Variants in RB1 observed in about 807,000 individuals in gnomAD.
The protein encoded by RB1 is retinoblastoma-associated protein.
RB1 carries 18 observed loss-of-function variants against 135.4 expected under a neutral mutation model. The observed-to-expected ratio is 0.13, with a 90% CI of 0.09 to 0.20. RB1 has a LOEUF of 0.20. Among genes scored for constraint, RB1 ranks in the 10% least tolerant of loss-of-function variants. The probability of loss-of-function intolerance (pLI) is 1.00; values close to 1 mark genes in which losing one functional copy is unlikely to be tolerated. For missense variants in RB1, 868 were observed against 1,110.0 expected (o/e 0.78, Z 3.10); for synonymous variants, 365 against 373.2 (o/e 0.98, Z 0.25).
intron 17 of RB1, among the ~76,000 whole-genome samples, chr13:48,388,540 T>C (rs1948587560): frequency 6.6e-6 from 1 of 152,180 alleles, no homozygotes; most frequent in South Asian, 2.1e-4. Flanking sequence ...TGAGGTAGTT[T>C]ACCCTAGATC....
chr13:48,410,780 T>C (rs948348904), intron 17 of RB1, among the ~76,000 whole-genome samples: 3 of 152,082 alleles, frequency 2.0e-5, no homozygotes, highest in African/African-American at 7.2e-5. Flanking sequence ...TTCTACAAAT[T>C]GCCTACACAG....
chr13:48,443,381 T>C (rs1949256936), intron 17 of RB1, among the ~76,000 whole-genome samples: 1 of 152,052 alleles, frequency 6.6e-6, no homozygotes, highest in Non-Finnish European at 1.5e-5. Context: ...AAAAAGAAGT[T>C]TAAAAGAGTT....
chr13:48,403,950 G>A (rs373514896), intron 17 of RB1, among the ~76,000 whole-genome samples: 3 of 152,104 alleles, frequency 2.0e-5, no homozygotes, highest in South Asian at 2.1e-4. Context: ...GCAGGGAGCC[G>A]TGACTGCACT....
intron 24 of RB1, among the ~76,000 whole-genome samples, chr13:48,476,176 C>T (rs192168049): frequency 1.7e-3 from 265 of 152,194 alleles, no homozygotes; most frequent in African/African-American, 5.6e-3. Context: ...TGAATCTATC[C>T]GTCAAATCAG....
At chr13:48,305,373 C>T (rs957516705) in intron 1 of RB1, among the ~76,000 whole-genome samples, 43 of 152,100 alleles carry the variant, frequency 2.8e-4, no homozygotes, top group Non-Finnish European at 4.1e-4. Context: ...ATAACAACAA[C>T]AAAAAATTAA....
chr13:48,347,876 C>T lies in RB1; in HGVS notation c.539+13C>T, dbSNP rs1408304236. The T allele has an allele frequency of 1.3e-6, 2 of 1,566,534 alleles. No individual in the cohort carries two copies. Among genetic ancestry groups the T allele is most frequent in the Admixed American group, 1.7e-5 (1 of 59,572 alleles). The stretch of plus-strand genomic sequence containing the variant: ...AACCCAGCAGTTCGTAAGTAGTTCA[C>T]AGAATGTTATTTTTCACTTAAAAAA... On this transcript the variant is annotated intron_variant, in intron 5 of 26. Coordinates refer to ENST00000267163, the MANE Select transcript of RB1 (RefSeq NM_000321.3).
chr13:48,414,531 G>C (rs1566214547), intron 17 of RB1, among the ~76,000 whole-genome samples: 1 of 151,804 alleles, frequency 6.6e-6, no homozygotes, highest in Non-Finnish European at 1.5e-5. Context: ...ATCTAGTTAT[G>C]CCTTACTGTT....
intron 2 of RB1, among the ~76,000 whole-genome samples, chr13:48,329,525 A>G (rs2138066848): frequency 6.6e-6 from 1 of 152,330 alleles, no homozygotes; most frequent in Admixed American, 6.5e-5. Flanking sequence ...AAGCAAACAT[A>G]TAGGTTTTTT....
intron 19 of RB1, among the ~76,000 whole-genome samples, chr13:48,456,976 TTC>T (rs1949364620): frequency 6.6e-6 from 1 of 152,240 alleles, no homozygotes; most frequent in Admixed American, 6.5e-5. Flanking sequence ...GCCGCAGCTC[TTC>T]TCTCTTCTTT....
At chr13:48,389,224 C>T (rs1235941462) in intron 17 of RB1, among the ~76,000 whole-genome samples, 1 of 151,674 alleles carries the variant, frequency 6.6e-6, no homozygotes, top group Admixed American at 6.6e-5. Flanking sequence ...AGAGAGAGAA[C>T]ATTACAAAGT....
intron 17 of RB1, among the ~76,000 whole-genome samples, chr13:48,438,012 A>G (rs773562790): frequency 2.6e-5 from 4 of 152,218 alleles, no homozygotes; most frequent in Non-Finnish European, 4.4e-5. Context: ...TCATATGTCA[A>G]TATTCTAGAA....
intron 2 of RB1, among the ~76,000 whole-genome samples, chr13:48,332,261 A>C (rs1952344246): frequency 6.6e-6 from 1 of 152,232 alleles, no homozygotes; most frequent in Non-Finnish European, 1.5e-5. Context: ...CAAAGGGTAC[A>C]AACTTTCAGT....
At chr13:48,393,310 A>G (rs764472112) in intron 17 of RB1, among the ~76,000 whole-genome samples, 5 of 152,150 alleles carry the variant, frequency 3.3e-5, no homozygotes, top group African/African-American at 4.8e-5. Flanking sequence ...TTGCCTTGGC[A>G]TCTCCCATTT....
chr13:48,457,903 G>A (rs1231400057), intron 19 of RB1, among the ~76,000 whole-genome samples: 2 of 152,210 alleles, frequency 1.3e-5, no homozygotes, highest in African/African-American at 2.4e-5. Flanking sequence ...GGTGGCAGTT[G>A]GGGGGTGCCT....
intron 17 of RB1, among the ~76,000 whole-genome samples, chr13:48,439,122 G>T (rs1160398463): frequency 6.6e-6 from 1 of 152,110 alleles, no homozygotes; most frequent in Non-Finnish European, 1.5e-5. Flanking sequence ...AGCAGCTAAC[G>T]GCACAAGTTT....
In RB1 at chr13:48,342,694, A is replaced by G. The variant is rs2138084023; in HGVS notation, c.360A>G (p.Leu120=). The change falls in exon 3 of 27, where the codon CTA becomes CTG. Residue 120 remains leucine, a synonymous_variant. Transcript: ENST00000267163. ...AGATGTCGTTCACTTTTACTGAGCT[A>G]CAGAAAAACATAGAAATCAGGTAAA... is the stretch of plus-strand genomic sequence containing the variant. The part of the protein sequence containing the change: ...LDEMSFTFTE[L]QKNIEISVHK... 6.2e-7 allele frequency: 1 copy of G among 1,605,086 alleles called. No homozygotes were observed. The highest frequency in any genetic ancestry group is 8.5e-7 in the Non-Finnish European group (1 of 1,172,030).
Position 48,412,640 on chromosome 13 carries a change from T to C in RB1, c.1695+31197T>C, listed in dbSNP as rs1406796782. 48 of 587,924 alleles carry C rather than the reference T, an allele frequency of 8.2e-5. No individual in the cohort carries two copies. The East Asian group carries it at 1.1e-3, about 14-fold the overall frequency. The allele number at this position is 587,924 out of a possible 1,614,324, so 36.4% of individuals were successfully genotyped here. ...GCTGGGTTCTTCAACAGGAAAATAT[T>C]TTCATTTGTTAGTCTTTAGAAAATC... On this transcript the variant is annotated intron_variant, in intron 17 of 26. Transcript: ENST00000267163.
At chr13:48,426,341 G>T (rs1386889418) in intron 17 of RB1, among the ~76,000 whole-genome samples, 1 of 152,222 alleles carries the variant, frequency 6.6e-6, no homozygotes, top group Non-Finnish European at 1.5e-5. Flanking sequence ...CAGATAGGAT[G>T]CCTGTGCTCT....
At chr13:48,473,736 C>A (rs1949487024) in intron 24 of RB1, among the ~76,000 whole-genome samples, 1 of 152,052 alleles carries the variant, frequency 6.6e-6, no homozygotes, top group Non-Finnish European at 1.5e-5. Flanking sequence ...CAAATCTATT[C>A]TTCAACTCTC....
Sources: allele counts gnomAD v4.1 joint callset (sites outside exome capture counted in the v4.1 genomes callset), GRCh38; gene constraint gnomAD v4.1.1; transcripts MANE v1.5; gene names NCBI Gene and HGNC (gene_info 2026-07-23, HGNC 2026-07-21).